LINGO2: variants seen among roughly 807,000 people sequenced by gnomAD.
LINGO2 encodes the protein leucine-rich repeat and immunoglobulin-like domain-containing nogo receptor-interacting protein 2.
Under a neutral mutation model 30.6 loss-of-function variants are expected in LINGO2, and 14 were observed. The ratio of observed to expected loss-of-function variants is 0.46; its 90% CI spans 0.30 to 0.72. The LOEUF (loss-of-function observed/expected upper bound fraction) is 0.72, where lower values mean the gene tolerates loss of function less well. LINGO2 is among the 30% of genes least tolerant of loss of function. The probability of loss-of-function intolerance (pLI) is 0.07; values close to 1 mark genes in which losing one functional copy is unlikely to be tolerated. For synonymous variants in LINGO2, 317 were observed against 288.5 expected (o/e 1.10, Z -1.00); for missense variants, 729 against 751.7 (o/e 0.97, Z 0.35).
chr9:28,186,408 G>T (rs1190631662), intron 4 of LINGO2, among the ~76,000 whole-genome samples: 1 of 152,148 alleles, frequency 6.6e-6, no homozygotes, highest in Non-Finnish European at 1.5e-5. Context: ...AAGGTCTTTT[G>T]CGAGCCAAGT....
chr9:29,167,053 G>C, the LINGO2 span, among the ~76,000 whole-genome samples: 3 of 152,064 alleles, frequency 2.0e-5, no homozygotes, highest in South Asian at 4.1e-4. Flanking sequence ...TGCAAATAAA[G>C]AAATCCAAAA....
intron 1 of LINGO2, among the ~76,000 whole-genome samples, chr9:28,613,134 A>G (rs1278974668): frequency 6.6e-6 from 1 of 152,090 alleles, no homozygotes; most frequent in African/African-American, 2.4e-5. Flanking sequence ...GAGACTCCGC[A>G]GCCACGGTGA....
the LINGO2 span, among the ~76,000 whole-genome samples, chr9:28,777,370 T>C: frequency 5.6e-3 from 847 of 152,276 alleles, 7 homozygotes; most frequent in African/African-American, 0.02. Context: ...CAGGGTCCTA[T>C]TTTAAGATAC....
chr9:28,238,530 T>A (rs899043948), intron 4 of LINGO2, among the ~76,000 whole-genome samples: 1 of 152,068 alleles, frequency 6.6e-6, no homozygotes, highest in African/African-American at 2.4e-5. Context: ...AATTAAACAA[T>A]GTGCTCCTGA....
intron 5 of LINGO2, among the ~76,000 whole-genome samples, chr9:27,986,983 G>A (rs1170207329): frequency 6.6e-6 from 1 of 151,470 alleles, no homozygotes; most frequent in Non-Finnish European, 1.5e-5. Context: ...ATGGAGATAA[G>A]GTGGGGAATA....
chr9:28,876,891 T>A, the LINGO2 span, among the ~76,000 whole-genome samples: 2 of 152,110 alleles, frequency 1.3e-5, no homozygotes, highest in African/African-American at 2.4e-5. Context: ...TTCCTATTTC[T>A]CCACATCCTC....
At chr9:28,026,495 C>T (rs889535849) in intron 4 of LINGO2, among the ~76,000 whole-genome samples, 1 of 152,198 alleles carries the variant, frequency 6.6e-6, no homozygotes, top group African/African-American at 2.4e-5. Context: ...TGGGATGGTG[C>T]TGTAGTCACA....
rs1822616536 is a variant in LINGO2 at position 28,408,741 on chromosome 9, C to T, written c.-278-35873G>A. Among the ~76,000 whole-genome samples the T allele has an allele frequency of 3.5e-5, 5 of 141,466 alleles. No individual in the cohort carries two copies. The South Asian group carries it at 1.1e-3, about 32-fold the overall frequency. The allele number at this position is 141,466 out of a possible 152,430, so 92.8% of individuals were successfully genotyped here. ...ATATGTAACAAACCTGCACGTTTTG[C>T]ACATGTACCCTTAAACTTAAAGTAT... is the stretch of plus-strand genomic sequence containing the variant. On this transcript the variant is annotated intron_variant, in intron 2 of 5. Coordinates refer to ENST00000379992, the Ensembl canonical transcript of LINGO2.
At chr9:29,207,336 G>A in the LINGO2 span, among the ~76,000 whole-genome samples, 1 of 151,966 alleles carries the variant, frequency 6.6e-6, no homozygotes, top group Non-Finnish European at 1.5e-5. Flanking sequence ...GAGCAATACA[G>A]TTTTTATGCT....
chr9:28,095,619 C>G (rs1372342727), intron 4 of LINGO2, among the ~76,000 whole-genome samples: 5 of 151,246 alleles, frequency 3.3e-5, no homozygotes, highest in Admixed American at 6.6e-5. Flanking sequence ...AGAAGAAAAC[C>G]TAGGCATTAC....
At chr9:28,414,893 T>C (rs1478598269) in intron 2 of LINGO2, among the ~76,000 whole-genome samples, 1 of 152,112 alleles carries the variant, frequency 6.6e-6, no homozygotes, top group African/African-American at 2.4e-5. Context: ...AAAAGTTGTT[T>C]ATTATAGTAG....
intron 3 of LINGO2, among the ~76,000 whole-genome samples, chr9:28,361,505 C>G (rs1820442666): frequency 6.6e-6 from 1 of 151,996 alleles, no homozygotes; most frequent in Middle Eastern, 3.2e-3. Flanking sequence ...CTATCCTATT[C>G]TATTTCATTT....
At chr9:28,160,412 T>C (rs1421692322) in intron 4 of LINGO2, among the ~76,000 whole-genome samples, 2 of 152,226 alleles carry the variant, frequency 1.3e-5, no homozygotes, top group Non-Finnish European at 2.9e-5. Context: ...TCAAATTATT[T>C]ATTGCCTCTC....
At chr9:28,516,345 G>A (rs1820618620) in intron 1 of LINGO2, among the ~76,000 whole-genome samples, 1 of 152,114 alleles carries the variant, frequency 6.6e-6, no homozygotes, top group South Asian at 2.1e-4. Context: ...TTTACAGAGA[G>A]GACAATAAAA....
At chr9:29,067,378 A>G in the LINGO2 span, among the ~76,000 whole-genome samples, 1 of 151,780 alleles carries the variant, frequency 6.6e-6, no homozygotes, top group South Asian at 2.1e-4. Context: ...ATTAAAAAGG[A>G]CATAAAACAT....
At chr9:28,522,706 G>A (rs1820871274) in intron 1 of LINGO2, among the ~76,000 whole-genome samples, 1 of 152,018 alleles carries the variant, frequency 6.6e-6, no homozygotes, top group South Asian at 2.1e-4. Flanking sequence ...CAAATTCATT[G>A]CAGATTCTTA....
At chr9:29,212,175 G>T in the LINGO2 span, among the ~76,000 whole-genome samples, 1 of 152,094 alleles carries the variant, frequency 6.6e-6, no homozygotes, top group African/African-American at 2.4e-5. Context: ...GAGCTCAGCC[G>T]GGTTCGGACC....
intron 4 of LINGO2, among the ~76,000 whole-genome samples, chr9:28,098,471 TG>T (rs1349656189): frequency 1.3e-5 from 2 of 152,216 alleles, no homozygotes; most frequent in Non-Finnish European, 2.9e-5. Flanking sequence ...ACCACAAATT[TG>T]GCTTGCTGTC....
intron 4 of LINGO2, among the ~76,000 whole-genome samples, chr9:28,016,833 T>A (rs946976908): frequency 2.6e-5 from 4 of 152,098 alleles, no homozygotes; most frequent in African/African-American, 9.7e-5. Context: ...TCTCCTCGAC[T>A]CATTCTATCA....
Sources: allele counts gnomAD v4.1 joint callset (sites outside exome capture counted in the v4.1 genomes callset), GRCh38; gene constraint gnomAD v4.1.1; transcripts MANE v1.5; gene names NCBI Gene and HGNC (gene_info 2026-07-23, HGNC 2026-07-21).